Variants in INSC observed in about 807,000 individuals in gnomAD.
The protein encoded by INSC is protein inscuteable homolog.
Under a neutral mutation model 58.6 loss-of-function variants are expected in INSC, and 67 were observed. The ratio of observed to expected loss-of-function variants is 1.14; its 90% CI spans 0.94 to 1.40. INSC has a LOEUF of 1.40. INSC is among the 40% of genes most tolerant of loss of function. The pLI is 0.00. For synonymous variants in INSC, 262 were observed against 276.1 expected, an observed-to-expected ratio of 0.95 and a Z score of 0.51; for missense variants, 714 against 692.0, an observed-to-expected ratio of 1.03 and a Z score of -0.36.
At chr11:15,204,071 C>T (rs1180648291) in intron 7 of INSC, among the ~76,000 whole-genome samples, 2 of 152,270 alleles carry the variant, frequency 1.3e-5, no homozygotes, top group East Asian at 3.9e-4. Flanking sequence ...AAATTCTTGC[C>T]GAGCCCGGTT....
chr11:15,178,181 G>A (rs1849637467), intron 4 of INSC, 143 bp from the exon 5 acceptor site: 2 of 1,113,004 alleles, frequency 1.8e-6, no homozygotes, highest in African/African-American at 3.1e-5. Context: ...AGCCAGCTGT[G>A]GAATATTCCA....
At chr11:15,119,125 G>A (rs184978653) in intron 1 of INSC, among the ~76,000 whole-genome samples, 102 of 152,312 alleles carry the variant, frequency 6.7e-4, no homozygotes, top group African/African-American at 2.3e-3. Flanking sequence ...TGGGCAAATT[G>A]GGGAATGAGG....
intron 2 of INSC, among the ~76,000 whole-genome samples, chr11:15,162,785 A>G (rs1038715588): frequency 6.6e-6 from 1 of 152,152 alleles, no homozygotes; most frequent in East Asian, 1.9e-4. Flanking sequence ...TGCACTCTGT[A>G]TGGATGCTGG....
intron 1 of INSC, among the ~76,000 whole-genome samples, chr11:15,125,634 G>C (rs964679841): frequency 1.3e-5 from 2 of 152,124 alleles, no homozygotes; most frequent in Admixed American, 6.5e-5. Flanking sequence ...CCATTCCTCT[G>C]TTCGACCCAC....
At chr11:15,242,583 A>C (rs1417332702) in intron 12 of INSC, among the ~76,000 whole-genome samples, 1 of 151,768 alleles carries the variant, frequency 6.6e-6, no homozygotes, top group African/African-American at 2.4e-5. Context: ...CAGACCTACC[A>C]CTCTCTCCAG....
chr11:15,269,308 G>C, the INSC span, among the ~76,000 whole-genome samples: 1 of 151,926 alleles, frequency 6.6e-6, no homozygotes, highest in Admixed American at 6.6e-5. Flanking sequence ...ATGGTTATGA[G>C]ACTTCATGGC....
chr11:15,201,966 T>A (rs1229213589), intron 7 of INSC, among the ~76,000 whole-genome samples: 1 of 152,202 alleles, frequency 6.6e-6, no homozygotes, highest in African/African-American at 2.4e-5. Context: ...CAAATGGTCA[T>A]CTTACTTTTT....
In INSC at chr11:15,186,384, T is replaced by C. The variant is rs148389563; in HGVS notation, c.580-4317T>C. ...TCATGTGGGTCTCTTTCCTAACTTATAGAGTGAATGCAGCATCTGGATCTG... is the reference window on the plus strand; with the variant it reads ...TCATGTGGGTCTCTTTCCTAACTTACAGAGTGAATGCAGCATCTGGATCTG... On this transcript the variant is annotated intron_variant, in intron 5 of 12. Transcript: ENST00000379556. 6.8e-3 allele frequency among the ~76,000 whole-genome samples: 1,031 copies of C among 152,334 alleles called. 15 individuals are homozygous for C. Among genetic ancestry groups the C allele is most frequent in the East Asian group, 0.066 (342 of 5,180 alleles).
chr11:15,164,621 T>G (rs1014940339), intron 2 of INSC, among the ~76,000 whole-genome samples: 2 of 152,214 alleles, frequency 1.3e-5, no homozygotes, highest in African/African-American at 4.8e-5. Flanking sequence ...TCCCATACTA[T>G]GCTTTCCAGT....
At position 15,217,270 on chromosome 11, in the gene INSC, T is replaced by A. The variant is rs972116083; in HGVS notation, c.820-4207T>A. ...GGAAGCCCCTTATAAAATCATCAGA[T>A]CTCACGAGAAATCACTCACTATCAC... On this transcript the variant is annotated intron_variant, in intron 7 of 12. Coordinates refer to ENST00000379556, the MANE Select transcript of INSC (RefSeq NM_001042536.3). Among the ~76,000 whole-genome samples the A allele has an allele frequency of 4.6e-5, 7 of 151,990 alleles. No individual in the cohort carries two copies. The South Asian group carries it at 1.5e-3, about 32-fold the overall frequency.
At chr11:15,184,258 TAAATC>T (rs1849885200) in intron 5 of INSC, among the ~76,000 whole-genome samples, 1 of 152,176 alleles carries the variant, frequency 6.6e-6, no homozygotes, top group Non-Finnish European at 1.5e-5. Context: ...TGTATACAAT[TAAATC>T]AGATTTTATT....
At chr11:15,115,540 C>A (rs931109111) in intron 1 of INSC, among the ~76,000 whole-genome samples, 1 of 152,184 alleles carries the variant, frequency 6.6e-6, no homozygotes, top group Admixed American at 6.5e-5. Flanking sequence ...AGGACAGAAG[C>A]TCAGAGCCCT....
At chr11:15,177,191 G>C (rs1187416671) in intron 4 of INSC, 28 bp downstream of exon 4, 1 of 1,604,680 alleles carries the variant, frequency 6.2e-7, no homozygotes, top group Non-Finnish European at 8.5e-7. Flanking sequence ...ATCTCCCAGG[G>C]TCTGCCCACC....
At chr11:15,197,798 T>TATTC (rs140714838) in intron 6 of INSC, among the ~76,000 whole-genome samples, 68 of 152,270 alleles carry the variant, frequency 4.5e-4, no homozygotes, top group African/African-American at 1.6e-3. Context: ...ACTCCTCTGT[T>TATTC]ATTCCTTCCA....
chr11:15,161,476 C>T (rs747798973), intron 2 of INSC, among the ~76,000 whole-genome samples: 19 of 152,072 alleles, frequency 1.2e-4, no homozygotes, highest in Non-Finnish European at 2.5e-4. Flanking sequence ...TGCATGGAGA[C>T]AGGAGAGAAC....
chr11:15,205,664 G>T (rs187276094), intron 7 of INSC, among the ~76,000 whole-genome samples: 37 of 152,286 alleles, frequency 2.4e-4, no homozygotes, highest in African/African-American at 7.5e-4. Context: ...ACATGGAGAA[G>T]TTGGGTGGTC....
chr11:15,190,741 C>T lies in INSC; in HGVS notation c.620C>T (p.Thr207Ile). 6.2e-7 allele frequency: 1 copy of T among 1,613,928 alleles called. No individual in the cohort carries two copies. Among genetic ancestry groups the T allele is most frequent in the Non-Finnish European group, 8.5e-7 (1 of 1,179,832 alleles). ...RKIDASDNIYTTESTTGNLFS... is the reference protein window; with the variant it reads ...RKIDASDNIYITESTTGNLFS... ...ATTGATGCCTCAGACAATATCTACA[C>T]CACAGAGTCCACCACAGGGAACCTG... The change falls in exon 6 of 13, where the codon ACC (threonine) becomes ATC (isoleucine). Residue 207 changes from threonine (T) to isoleucine (I), a missense_variant. By Grantham distance (89) the Thr-to-Ile change is moderately conservative (BLOSUM62 -1). Coordinates refer to ENST00000379556, the MANE Select transcript of INSC (RefSeq NM_001042536.3).
At chr11:15,149,013 G>T (rs917421497) in intron 1 of INSC, 117 bp from the exon 2 acceptor site, 9 of 1,238,152 alleles carry the variant, frequency 7.3e-6, no homozygotes, top group Non-Finnish European at 9.5e-6. Flanking sequence ...GAAGAAGAGG[G>T]CTAAGAAGTC....
intron 2 of INSC, among the ~76,000 whole-genome samples, chr11:15,152,418 T>G (rs7104355): frequency 0.16 from 24,523 of 152,160 alleles, 2,989 homozygotes; most frequent in East Asian, 0.67. Flanking sequence ...TCCAACACTT[T>G]AGGTTTCTAC....
Sources: gnomAD v4.1 joint callset for allele counts (sites outside exome capture counted in the v4.1 genomes callset) on GRCh38, gnomAD v4.1.1 for gene constraint, MANE v1.5 for transcripts, NCBI Gene and HGNC (gene_info 2026-07-23, HGNC 2026-07-21) for gene names.